Variants in BMPR1B observed in about 807,000 individuals in gnomAD.
BMPR1B encodes the protein bone morphogenetic protein receptor type-1B.
In BMPR1B, 12 loss-of-function variants were observed where a neutral mutation model predicts 59.1. That is an observed-to-expected ratio of 0.20 (90% CI 0.13 to 0.33). The LOEUF (loss-of-function observed/expected upper bound fraction) is 0.33, where lower values mean the gene tolerates loss of function less well. BMPR1B is among the 10% of genes least tolerant of loss of function. The pLI is 1.00. For missense variants in BMPR1B, 550 were observed against 610.9 expected (o/e 0.90, Z 1.05); for synonymous variants, 237 against 207.3 (o/e 1.14, Z -1.23).
intron 1 of BMPR1B, among the ~76,000 whole-genome samples, chr4:94,815,177 T>C (rs571312534): frequency 6.6e-6 from 1 of 152,324 alleles, no homozygotes; most frequent in African/African-American, 2.4e-5. Flanking sequence ...TGTGCTGGTA[T>C]TACAGGAGTG....
At chr4:95,131,087 G>A (rs1437588602) in intron 9 of BMPR1B, 128 bp from the exon 10 acceptor site, 6 of 949,276 alleles carry the variant, frequency 6.3e-6, no homozygotes, top group Non-Finnish European at 9.7e-6. Context: ...ACCATCATAG[G>A]CATAGTCAGG....
chr4:94,805,864 TTA>T (rs946085657), intron 1 of BMPR1B, among the ~76,000 whole-genome samples: 1 of 152,098 alleles, frequency 6.6e-6, no homozygotes, highest in African/African-American at 2.4e-5. Flanking sequence ...AGCTGAAAAG[TTA>T]TATATAGAAT....
At chr4:95,024,985 C>T (rs1276250257) in intron 3 of BMPR1B, among the ~76,000 whole-genome samples, 1 of 152,094 alleles carries the variant, frequency 6.6e-6, no homozygotes, top group Non-Finnish European at 1.5e-5. Flanking sequence ...CCTGTAGTCT[C>T]AGCTACTCGG....
intron 1 of BMPR1B, among the ~76,000 whole-genome samples, chr4:94,850,619 T>A (rs1725530384): frequency 6.6e-6 from 1 of 152,190 alleles, no homozygotes; most frequent in Non-Finnish European, 1.5e-5. Context: ...TCCCATTGAA[T>A]TTCTATCCTT....
intron 1 of BMPR1B, among the ~76,000 whole-genome samples, chr4:94,832,029 A>G (rs1180674920): frequency 6.6e-6 from 1 of 151,724 alleles, no homozygotes; most frequent in African/African-American, 2.4e-5. Context: ...GGTGAGTTGT[A>G]TAATTATTTC....
intron 2 of BMPR1B, among the ~76,000 whole-genome samples, chr4:94,908,061 T>TAAAAAAAAAAAAAAAAAAAAAAA (rs571793477): frequency 1.9e-4 from 9 of 46,254 alleles, no homozygotes; most frequent in East Asian, 6.0e-4. Context: ...ACCCTGTCTT[T>TAAAAAAAAAAAAAAAAAAAAAAA]AAAAAAAAAA....
intron 4 of BMPR1B, among the ~76,000 whole-genome samples, chr4:95,113,556 G>A (rs1321058508): frequency 1.3e-5 from 2 of 152,042 alleles, no homozygotes; most frequent in East Asian, 1.9e-4. Context: ...TGTCTTGGAC[G>A]CTGAGCATGC....
chr4:94,817,076 G>A lies in BMPR1B; in HGVS notation c.-182-58755G>A, dbSNP rs147506620. Among the ~76,000 whole-genome samples, 311 of 152,180 alleles carry A rather than the reference G, an allele frequency of 2.0e-3. 8 individuals are homozygous for A. In the East Asian group the frequency reaches 0.045, roughly 22 times the overall value. On this transcript the variant is annotated intron_variant, in intron 1 of 12. Transcript: ENST00000515059. ...TATTCTGCCACGTGCGGGACACATCGTTCCTCCCCTCCAGAGGATGCAGAA... is the reference window on the plus strand; with the variant it reads ...TATTCTGCCACGTGCGGGACACATCATTCCTCCCCTCCAGAGGATGCAGAA...
chr4:94,926,702 T>C (rs1728902058), intron 2 of BMPR1B, among the ~76,000 whole-genome samples: 1 of 152,010 alleles, frequency 6.6e-6, no homozygotes, highest in South Asian at 2.1e-4. Context: ...TTATAATGAT[T>C]TATAGGGGTG....
At chr4:95,139,130 A>C (rs1734024520) in intron 10 of BMPR1B, among the ~76,000 whole-genome samples, 1 of 152,110 alleles carries the variant, frequency 6.6e-6, no homozygotes, top group African/African-American at 2.4e-5. Context: ...TTTTCCTTCT[A>C]ACAGTCAGGA....
intron 2 of BMPR1B, among the ~76,000 whole-genome samples, chr4:94,962,160 G>C (rs145066669): frequency 1.1e-5 from 1 of 92,788 alleles, no homozygotes; most frequent in Non-Finnish European, 2.0e-5. Context: ...TCTTTTTTTT[G>C]ACAGTCTTGC....
chr4:94,936,681 A>AGTTTG (rs1729312969), intron 2 of BMPR1B, among the ~76,000 whole-genome samples: 1 of 152,218 alleles, frequency 6.6e-6, no homozygotes, highest in Admixed American at 6.5e-5. Flanking sequence ...TTTTAAAGAT[A>AGTTTG]GAAAAAATAT....
chr4:95,103,245 A>G (rs774580129), intron 3 of BMPR1B, among the ~76,000 whole-genome samples: 7 of 152,144 alleles, frequency 4.6e-5, no homozygotes, highest in Non-Finnish European at 8.8e-5. Context: ...TAAAAAAAAT[A>G]GACTTCTAAT....
chr4:95,049,988 T>C (rs529770137), intron 3 of BMPR1B, among the ~76,000 whole-genome samples: 33 of 152,122 alleles, frequency 2.2e-4, no homozygotes, highest in Non-Finnish European at 3.8e-4. Context: ...TAGAAGCCCA[T>C]ATTGGGGAAA....
At chr4:95,139,048 A>G (rs1734018245) in intron 10 of BMPR1B, among the ~76,000 whole-genome samples, 1 of 152,018 alleles carries the variant, frequency 6.6e-6, no homozygotes, top group South Asian at 2.1e-4. Flanking sequence ...TTGTGGTTTT[A>G]TCTGCCTTTG....
chr4:94,964,654 C>T lies in BMPR1B; in HGVS notation c.-112-31386C>T, dbSNP rs1730489026. ...GATGCCATTTCTCCTTCTAAGTCTC[C>T]ACTAGGATTTGTTGAATCCCTAGGG... On this transcript the variant is annotated intron_variant, in intron 2 of 12. Transcript: ENST00000515059. Among the ~76,000 whole-genome samples, 3 of 152,094 alleles carry T rather than the reference C, an allele frequency of 2.0e-5. 1 individual carries two copies. Among genetic ancestry groups the T allele is most frequent in the South Asian group, 4.1e-4 (2 of 4,830 alleles).
At chr4:94,975,642 A>C (rs1731003595) in intron 2 of BMPR1B, among the ~76,000 whole-genome samples, 1 of 152,062 alleles carries the variant, frequency 6.6e-6, no homozygotes, top group South Asian at 2.1e-4. Flanking sequence ...CACCTCCCAA[A>C]GTGCTAGGAC....
intron 3 of BMPR1B, among the ~76,000 whole-genome samples, chr4:95,027,652 G>A (rs1724521037): frequency 6.6e-6 from 1 of 152,058 alleles, no homozygotes; most frequent in Non-Finnish European, 1.5e-5. Flanking sequence ...GTTTGACTGG[G>A]AAAATATGAG....
chr4:94,758,535 G>A (rs1447354746), intron 1 of BMPR1B, among the ~76,000 whole-genome samples: 1 of 152,142 alleles, frequency 6.6e-6, no homozygotes, highest in African/African-American at 2.4e-5. Flanking sequence ...GCGGGGCGGG[G>A]GCCCAGGGCC....
Sources: allele counts gnomAD v4.1 joint callset (sites outside exome capture counted in the v4.1 genomes callset), GRCh38; gene constraint gnomAD v4.1.1; transcripts MANE v1.5; gene names NCBI Gene and HGNC (gene_info 2026-07-23, HGNC 2026-07-21).